The following ARPP21 variants were observed in gnomAD, a reference collection of about 807,000 sequenced individuals.
ARPP21 encodes the protein cAMP-regulated phosphoprotein 21.
Under a neutral mutation model 113.2 loss-of-function variants are expected in ARPP21, and 69 were observed. The ratio of observed to expected loss-of-function variants is 0.61; its 90% CI spans 0.50 to 0.74. The LOEUF (loss-of-function observed/expected upper bound fraction) is 0.74. Ranked by LOEUF, ARPP21 falls within the 30% of genes least tolerant of loss-of-function variation. The probability of loss-of-function intolerance (pLI) is 0.00; values close to 1 mark genes in which losing one functional copy is unlikely to be tolerated. For synonymous variants in ARPP21, 368 were observed against 375.5 expected (o/e 0.98, Z 0.23); for missense variants, 1,070 against 1,037.4 (o/e 1.03, Z -0.43).
intron 1 of ARPP21, among the ~76,000 whole-genome samples, chr3:35,647,459 T>G (rs1252620054): frequency 6.6e-6 from 1 of 152,164 alleles, no homozygotes; most frequent in Middle Eastern, 3.4e-3. Flanking sequence ...GGCTAGTAGC[T>G]TATCTGAGAG....
chr3:35,756,950 G>A (rs2095592847), intron 19 of ARPP21, among the ~76,000 whole-genome samples: 1 of 152,060 alleles, frequency 6.6e-6, no homozygotes, highest in African/African-American at 2.4e-5. Flanking sequence ...TGTTTCCTAA[G>A]GAAAACAACT....
chr3:35,660,794 T>C (rs1707402744), intron 1 of ARPP21, among the ~76,000 whole-genome samples: 1 of 152,174 alleles, frequency 6.6e-6, no homozygotes, highest in Non-Finnish European at 1.5e-5. Context: ...TTTATCTTAC[T>C]GGATGGGAGA....
intron 1 of ARPP21, among the ~76,000 whole-genome samples, chr3:35,675,747 C>T (rs1180037186): frequency 1.3e-5 from 2 of 151,592 alleles, no homozygotes; most frequent in Non-Finnish European, 2.9e-5. Context: ...TTGCCGTGTC[C>T]ACATTGGATA....
At chr3:35,661,900 G>A (rs1010786001) in intron 1 of ARPP21, among the ~76,000 whole-genome samples, 1 of 152,062 alleles carries the variant, frequency 6.6e-6, no homozygotes, top group African/African-American at 2.4e-5. Flanking sequence ...CACTTCATGG[G>A]CACTAACTAA....
In ARPP21 at chr3:35,737,182, GC is replaced by G. The variant is rs756659194; in HGVS notation, c.1467del (p.Phe490LeufsTer2). 1 of 1,603,446 alleles carries G rather than the reference GC, an allele frequency of 6.2e-7. No homozygotes were observed. The highest frequency in any genetic ancestry group is 8.5e-7 in the Non-Finnish European group (1 of 1,172,254). ...TAAGTTCTGATTCCATTGCAGGCCAGCCCTTTGTGAATCCCGATGGAACTCC... is the reference window on the plus strand; with the variant it reads ...TAAGTTCTGATTCCATTGCAGGCCAGCCTTTGTGAATCCCGATGGAACTCC... ...SILLNPHTGQPFVNPDGTPAI... is the reference protein window; with the variant it reads ...SILLNPHTGQXFVNPDGTPAI... On this transcript the variant is annotated frameshift_variant, in exon 16 of 21. Transcript: ENST00000684406. LOFTEE classifies it high-confidence loss of function.
At chr3:35,671,520 A>G (rs981012150) in intron 1 of ARPP21, among the ~76,000 whole-genome samples, 2 of 152,096 alleles carry the variant, frequency 1.3e-5, no homozygotes, top group Non-Finnish European at 2.9e-5. Context: ...ATGTAACACT[A>G]TATTGGGCAA....
rs139074840 is a variant in ARPP21, at chr3:35,643,145, A to T, written c.-213+2747A>T. On this transcript the variant is annotated intron_variant, in intron 1 of 20. Coordinates refer to ENST00000684406, the MANE Select transcript of ARPP21 (RefSeq NM_001385562.1). The stretch of plus-strand genomic sequence containing the variant: ...TTGTGTTGATTTTCATATTAACAAC[A>T]TACTATAATCAGGTTATTCTTTTGT... 6.5e-3 allele frequency among the ~76,000 whole-genome samples: 985 copies of T among 152,256 alleles called. 31 individuals are homozygous for T. Among genetic ancestry groups the T allele is most frequent in the East Asian group, 2.5e-3 (13 of 5,184 alleles).
intron 19 of ARPP21, among the ~76,000 whole-genome samples, chr3:35,786,165 T>A (rs1009645854): frequency 6.6e-6 from 1 of 152,194 alleles, no homozygotes; most frequent in Non-Finnish European, 1.5e-5. Flanking sequence ...TTTAACCGTA[T>A]CTTAATTTGT....
intron 1 of ARPP21, among the ~76,000 whole-genome samples, chr3:35,657,363 T>G (rs1705486390): frequency 6.6e-6 from 1 of 152,118 alleles, no homozygotes. Context: ...TAGAAATGTC[T>G]GGAAGATCAG....
At chr3:35,709,242 T>C (rs756743210) in intron 11 of ARPP21, among the ~76,000 whole-genome samples, 172 bp downstream of exon 11, 1 of 152,172 alleles carries the variant, frequency 6.6e-6, no homozygotes, top group Non-Finnish European at 1.5e-5. Context: ...AGGGAAGTGA[T>C]AGAAACCTAG....
At chr3:35,711,318 G>A (rs2091045906) in intron 11 of ARPP21, among the ~76,000 whole-genome samples, 1 of 152,146 alleles carries the variant, frequency 6.6e-6, no homozygotes, top group African/African-American at 2.4e-5. Context: ...TCATGAACAC[G>A]TGTGCATTTT....
chr3:35,774,340 C>A (rs1218454840), intron 19 of ARPP21, among the ~76,000 whole-genome samples: 1 of 152,130 alleles, frequency 6.6e-6, no homozygotes, highest in Non-Finnish European at 1.5e-5. Flanking sequence ...GATGTCATAT[C>A]AGGAAAATTT....
At chr3:35,688,396 T>C (rs1036309240) in intron 6 of ARPP21, among the ~76,000 whole-genome samples, 1 of 151,560 alleles carries the variant, frequency 6.6e-6, no homozygotes, top group Admixed American at 6.6e-5. Flanking sequence ...CCATCTACTA[T>C]CAAGTAATGT....
intron 9 of ARPP21, among the ~76,000 whole-genome samples, chr3:35,696,001 C>G (rs1365381321): frequency 6.6e-6 from 1 of 151,538 alleles, no homozygotes; most frequent in Non-Finnish European, 1.5e-5. Flanking sequence ...AAATAATGCT[C>G]TACTGGCTGG....
chr3:35,727,653 G>A (rs73059257), intron 14 of ARPP21, among the ~76,000 whole-genome samples: 15,982 of 150,538 alleles, frequency 0.11, 880 homozygotes, highest in Non-Finnish European at 0.12. Flanking sequence ...ATAATCAATA[G>A]TGTAGGCTGA....
At chr3:35,707,622 C>A in intron 10 of ARPP21, 1 of 436,592 alleles carries the variant, frequency 2.3e-6, no homozygotes. Context: ...GTCTTTTATC[C>A]CCTCTCCTTC....
intron 1 of ARPP21, among the ~76,000 whole-genome samples, chr3:35,646,425 T>C (rs1028069640): frequency 3.3e-5 from 5 of 152,110 alleles, no homozygotes; most frequent in Admixed American, 3.3e-4. Flanking sequence ...GATTTAATCA[T>C]CAAAGAGCTT....
At chr3:35,756,682 G>T (rs2095582893) in intron 19 of ARPP21, among the ~76,000 whole-genome samples, 1 of 152,074 alleles carries the variant, frequency 6.6e-6, no homozygotes. Flanking sequence ...TCTCCCAGAT[G>T]CTCTTACTGC....
At chr3:35,735,956 A>C (rs182437203) in intron 15 of ARPP21, among the ~76,000 whole-genome samples, 1 of 152,166 alleles carries the variant, frequency 6.6e-6, no homozygotes, top group Admixed American at 6.5e-5. Flanking sequence ...TCATTCATTG[A>C]TTAATAATTT....
Sources: allele counts gnomAD v4.1 joint callset (sites outside exome capture counted in the v4.1 genomes callset), GRCh38; gene constraint gnomAD v4.1.1; transcripts MANE v1.5; gene names NCBI Gene and HGNC (gene_info 2026-07-23, HGNC 2026-07-21).